Variants in UTS2B observed in about 807,000 individuals in gnomAD.
UTS2B encodes the protein urotensin-2B.
A neutral mutation model predicts 19.2 loss-of-function variants in UTS2B; 21 were observed. The observed-to-expected ratio is 1.09, with a 90% CI of 0.78 to 1.58. UTS2B has a LOEUF of 1.58. Ranked by LOEUF, UTS2B falls within the 40% of genes most tolerant of loss-of-function variation. The pLI is 0.00. For missense variants in UTS2B, 138 were observed against 130.3 expected (o/e 1.06, Z -0.29); for synonymous variants, 57 against 50.2 (o/e 1.14, Z -0.58).
chr3:191,326,591 T>A (rs1717750839), intron 2 of UTS2B, among the ~76,000 whole-genome samples: 1 of 152,258 alleles, frequency 6.6e-6, no homozygotes, highest in Non-Finnish European at 1.5e-5. Flanking sequence ...GATGCTGAAT[T>A]ACTTGTTTGG....
At chr3:191,312,105 T>C (rs1345497319) in intron 3 of UTS2B, among the ~76,000 whole-genome samples, 1 of 151,406 alleles carries the variant, frequency 6.6e-6, no homozygotes, top group Admixed American at 6.6e-5. Flanking sequence ...CGAGCCGAGG[T>C]TGCGCCACTG....
chr3:191,285,329 C>T (rs573314051), intron 4 of UTS2B, among the ~76,000 whole-genome samples: 3 of 152,078 alleles, frequency 2.0e-5, no homozygotes, highest in Admixed American at 1.3e-4. Flanking sequence ...AAGCAAAAAC[C>T]TATGGTAGAT....
chr3:191,342,895 T>C, the UTS2B span, among the ~76,000 whole-genome samples: 1 of 152,246 alleles, frequency 6.6e-6, no homozygotes, highest in Non-Finnish European at 1.5e-5. Context: ...ATCAGTGGCC[T>C]GTTTTTTTCG....
intron 2 of UTS2B, among the ~76,000 whole-genome samples, chr3:191,325,135 A>C (rs946821349): frequency 3.3e-5 from 5 of 152,172 alleles, no homozygotes; most frequent in Non-Finnish European, 7.3e-5. Context: ...TTATGTATAC[A>C]CTGAAATCAT....
At chr3:191,341,089 G>A in the UTS2B span, among the ~76,000 whole-genome samples, 1 of 151,998 alleles carries the variant, frequency 6.6e-6, no homozygotes, top group East Asian at 1.9e-4. Flanking sequence ...GCCTGCACTG[G>A]GATCATTTCT....
intron 4 of UTS2B, among the ~76,000 whole-genome samples, chr3:191,286,658 TA>T (rs141852535): frequency 1.4e-4 from 21 of 150,286 alleles, no homozygotes; most frequent in African/African-American, 5.1e-4. Context: ...ATGCCTATAT[TA>T]AAAAAAAAGA....
intron 4 of UTS2B, among the ~76,000 whole-genome samples, chr3:191,300,097 C>T (rs1457285382): frequency 6.6e-6 from 1 of 151,944 alleles, no homozygotes; most frequent in East Asian, 1.9e-4. Flanking sequence ...TTCACCCAGG[C>T]TGGAGTGCGG....
At chr3:191,314,511 A>G (rs1233665288) in intron 3 of UTS2B, among the ~76,000 whole-genome samples, 1 of 152,312 alleles carries the variant, frequency 6.6e-6, no homozygotes, top group East Asian at 1.9e-4. Flanking sequence ...TGTGAAACAT[A>G]TATTTGGTCT....
intron 8 of UTS2B, among the ~76,000 whole-genome samples, chr3:191,274,844 A>G (rs1017948384): frequency 4.6e-5 from 7 of 152,260 alleles, no homozygotes; most frequent in Non-Finnish European, 8.8e-5. Context: ...TCTAAAATTA[A>G]ATGCTATGAA....
chr3:191,271,420 C>T (rs1390388575), intron 8 of UTS2B, among the ~76,000 whole-genome samples: 2 of 152,122 alleles, frequency 1.3e-5, no homozygotes, highest in African/African-American at 2.4e-5. Context: ...CTGCAGCACC[C>T]AATTAAAGCC....
chr3:191,277,022 A>T (rs1716256452), intron 6 of UTS2B, among the ~76,000 whole-genome samples, 178 bp from the exon 7 acceptor site: 1 of 152,226 alleles, frequency 6.6e-6, no homozygotes, highest in Non-Finnish European at 1.5e-5. Context: ...ATAGTATTGA[A>T]ATGCAATCAG....
chr3:191,338,229 T>C, the UTS2B span, among the ~76,000 whole-genome samples: 1 of 152,234 alleles, frequency 6.6e-6, no homozygotes, highest in African/African-American at 2.4e-5. Flanking sequence ...TTAAGTATTA[T>C]ATTCACTAAT....
chr3:191,282,358 C>A, intron 4 of UTS2B, 45 bp from the exon 5 acceptor site: 1 of 558,190 alleles, frequency 1.8e-6, no homozygotes, highest in East Asian at 2.9e-5. Context: ...CTATAAAATG[C>A]AATGCAATCA....
At chr3:191,285,830 C>T (rs996804936) in intron 4 of UTS2B, among the ~76,000 whole-genome samples, 7 of 151,824 alleles carry the variant, frequency 4.6e-5, no homozygotes, top group South Asian at 2.1e-4. Context: ...ACCCAGGAGG[C>T]GGAGGTTGCA....
chr3:191,344,693 C>T, the UTS2B span, among the ~76,000 whole-genome samples: 25 of 152,286 alleles, frequency 1.6e-4, no homozygotes, highest in Admixed American at 7.2e-4. Context: ...ATTCTCCTGC[C>T]TCAGCCTCCT....
chr3:191,282,130 C>A lies in UTS2B; in HGVS notation c.60G>T (p.Leu20Phe). ...CFGLLTLLSVLSFLQSVHGRP... is the reference protein window; with the variant it reads ...CFGLLTLLSVFSFLQSVHGRP... ...GTCCATGCACAGATTGTAAAAAACT[C>A]AACACGGATAACAAAGTTAGGAGTC... Residue 20 changes from leucine to phenylalanine, a missense_variant, in exon 5 of 9, where the codon TTG becomes TTT. Leu to Phe is a conservative substitution (Grantham distance 22). Transcript: ENST00000340524. 6.2e-7 allele frequency: 1 copy of A among 1,613,450 alleles called. No homozygotes were observed. Among genetic ancestry groups the A allele is most frequent in the Non-Finnish European group, 8.5e-7 (1 of 1,179,654 alleles).
In UTS2B at chr3:191,318,759, C is replaced by T. The variant is rs114503870; in HGVS notation, c.-585-2320G>A. On this transcript the variant is annotated intron_variant, in intron 2 of 8. Transcript: ENST00000340524. ...GTGTTGGGATGACAGGTGTGAGCTG[C>T]TGTGCCTGGCTGAAGATCTTTTAAT... Among the ~76,000 whole-genome samples, 896 of 152,344 alleles carry T rather than the reference C, an allele frequency of 5.9e-3. 8 individuals carry two copies. The highest frequency in any genetic ancestry group is 0.02 in the African/African-American group (828 of 41,574).
chr3:191,273,023 C>T (rs1319685115), intron 8 of UTS2B, among the ~76,000 whole-genome samples: 3 of 152,126 alleles, frequency 2.0e-5, no homozygotes, highest in East Asian at 3.9e-4. Context: ...AAAAAATTAG[C>T]TGGGCTTGGT....
chr3:191,273,163 G>A (rs551026126), intron 8 of UTS2B, among the ~76,000 whole-genome samples: 33 of 152,160 alleles, frequency 2.2e-4, no homozygotes, highest in African/African-American at 5.3e-4. Context: ...GCGAGACTCC[G>A]TCTCAAAAAA....
Sources: gnomAD v4.1 joint callset for allele counts (sites outside exome capture counted in the v4.1 genomes callset) on GRCh38, gnomAD v4.1.1 for gene constraint, MANE v1.5 for transcripts, NCBI Gene and HGNC (gene_info 2026-07-23, HGNC 2026-07-21) for gene names.